Variants in CTCFL observed in about 807,000 individuals in gnomAD.
CTCFL encodes transcriptional repressor CTCFL.
A neutral mutation model predicts 67.4 loss-of-function variants in CTCFL; 36 were observed. The ratio of observed to expected loss-of-function variants is 0.53; its 90% CI spans 0.41 to 0.71. CTCFL has a LOEUF of 0.71. Ranked by LOEUF, CTCFL falls within the 30% of genes least tolerant of loss-of-function variation. The probability of loss-of-function intolerance (pLI) is 0.00; values close to 1 mark genes in which losing one functional copy is unlikely to be tolerated. For synonymous variants in CTCFL, 324 were observed against 302.3 expected (o/e 1.07, Z -0.75); for missense variants, 786 against 835.2 (o/e 0.94, Z 0.73).
chr20:57,518,604 A>G (rs778431920), intron 5 of CTCFL, 154 bp downstream of exon 5: 2 of 1,514,924 alleles, frequency 1.3e-6, no homozygotes, highest in Non-Finnish European at 1.8e-6. Context: ...TTTTAACTTC[A>G]TAAAAGAGAA....
rs190372863 is a variant in CTCFL, at chr20:57,499,122, G to A, written c.1841-421C>T. Among the ~76,000 whole-genome samples the A allele has an allele frequency of 1.0e-4, 15 of 148,936 alleles. No individual in the cohort carries two copies. In the East Asian group the frequency reaches 3.1e-3, roughly 31 times the overall value. On this transcript the variant is annotated intron_variant, in intron 10 of 10. Transcript: ENST00000243914. ...CAGTCATTCCCAGCTGGCATCAGCT[G>A]CTATAGGTGAATGTGGATCTTACAG...
intron 9 of CTCFL, chr20:57,507,031 A>C (rs2068243525): frequency 1.0e-6 from 1 of 985,708 alleles, no homozygotes; most frequent in Non-Finnish European, 1.2e-6. Flanking sequence ...ACTTTTATAA[A>C]GTTAGGCTGA....
intron 3 of CTCFL, among the ~76,000 whole-genome samples, chr20:57,521,124 A>C (rs540089280): frequency 6.6e-6 from 1 of 152,204 alleles, no homozygotes; most frequent in Non-Finnish European, 1.5e-5. Context: ...CAACACCTCA[A>C]TTTCACACTC....
intron 6 of CTCFL, chr20:57,514,975 A>G (rs1205233047): frequency 3.6e-6 from 2 of 551,518 alleles, no homozygotes; most frequent in Non-Finnish European, 6.4e-6. Flanking sequence ...TGGCTACGCA[A>G]GAGTTCAAGG....
At chr20:57,513,983 C>A in intron 7 of CTCFL, 4 of 967,116 alleles carry the variant, frequency 4.1e-6, no homozygotes, top group African/African-American at 1.7e-5. Flanking sequence ...CCTAGGCCTG[C>A]TGTTCCAAGA....
At position 57,504,187 on chromosome 20, in the gene CTCFL, A is replaced by G. The variant is rs1049200344; in HGVS notation, c.1675-586T>C. ...GAGACGGGGTTTCACCGTGTTAGCCAGGATGGTCTCGATCTCCTGATATTG... is the reference window on the plus strand; with the variant it reads ...GAGACGGGGTTTCACCGTGTTAGCCGGGATGGTCTCGATCTCCTGATATTG... On this transcript the variant is annotated intron_variant, in intron 9 of 10. Transcript: ENST00000243914. Among the ~76,000 whole-genome samples, 14 of 151,752 alleles carry G rather than the reference A, an allele frequency of 9.2e-5. 1 individual carries two copies. The highest frequency in any genetic ancestry group is 1.6e-4 in the Non-Finnish European group (11 of 67,910).
chr20:57,514,655 C>T lies in CTCFL; in HGVS notation c.1267G>A (p.Glu423Lys), dbSNP rs765675257. The change falls in exon 7 of 11, where the codon GAA becomes AAA. Residue 423 changes from glutamate (E) to lysine (K), a missense_variant. Transcript: ENST00000243914. The stretch of plus-strand genomic sequence containing the variant: ...GGACACTGGTATTTGGGGACATTTT[C>T]GCCGTGTTTCTGCAGAATATGTATT... ...MKIHILQKHG[E>K]NVPKYQCPHC... 18 of 1,614,196 alleles carry T rather than the reference C, an allele frequency of 1.1e-5. No homozygotes were observed. Among genetic ancestry groups the T allele is most frequent in the South Asian group, 4.4e-5 (4 of 91,076 alleles).
chr20:57,512,188 T>C (rs1242803461), intron 8 of CTCFL, among the ~76,000 whole-genome samples: 2 of 152,354 alleles, frequency 1.3e-5, no homozygotes, highest in South Asian at 4.1e-4. Flanking sequence ...CATGTAAAAC[T>C]GCCCTTTATT....
intron 5 of CTCFL, chr20:57,518,443 T>G: frequency 8.7e-7 from 1 of 1,153,356 alleles, no homozygotes; most frequent in South Asian, 1.9e-5. Context: ...CATTTTGATT[T>G]TGTGGCCCAG....
rs2067745575 is a variant in CTCFL, at chr20:57,497,734, TATAAAA to T, written c.*810_*815del. 1.0e-6 allele frequency: 1 copy of T among 984,626 alleles called. No homozygotes were observed. Among genetic ancestry groups the T allele is most frequent in the East Asian group, 1.1e-4 (1 of 8,828 alleles). 61.0% of individuals were successfully genotyped at this position (984,626 alleles called of 1,614,324 possible). On this transcript the variant is annotated 3_prime_UTR_variant, in exon 11 of 11. Coordinates refer to ENST00000243914, the MANE Select transcript of CTCFL (RefSeq NM_001386993.1). ...CTCACTCTGCCAATTATTTTACAAA[TATAAAA>T]AGAGTAGTTTTAGCAGAAAAAAGGG...
chr20:57,508,178 C>T (rs887591601), intron 9 of CTCFL, among the ~76,000 whole-genome samples: 1 of 152,130 alleles, frequency 6.6e-6, no homozygotes, highest in African/African-American at 2.4e-5. Flanking sequence ...CTCAAGTAAT[C>T]CTCCCACCTT....
chr20:57,508,095 A>C (rs1453584740), intron 9 of CTCFL, among the ~76,000 whole-genome samples: 1 of 152,092 alleles, frequency 6.6e-6, no homozygotes, highest in Non-Finnish European at 1.5e-5. Flanking sequence ...GGGGTGCACC[A>C]CCACAACCAG....
intron 3 of CTCFL, among the ~76,000 whole-genome samples, chr20:57,519,765 G>A (rs929338124): frequency 2.0e-5 from 3 of 152,126 alleles, no homozygotes; most frequent in Non-Finnish European, 4.4e-5. Flanking sequence ...TGCATTCTCT[G>A]TAGGGTGAAC....
chr20:57,520,918 A>T (rs1051170472), intron 3 of CTCFL, among the ~76,000 whole-genome samples: 1 of 152,210 alleles, frequency 6.6e-6, no homozygotes, highest in South Asian at 2.1e-4. Context: ...AGCCAGTATG[A>T]CTGGTGTCCT....
intron 7 of CTCFL, 109 bp downstream of exon 7, chr20:57,514,483 C>CG (rs1452800272): frequency 8.1e-6 from 11 of 1,355,414 alleles, no homozygotes; most frequent in Admixed American, 2.2e-5. Context: ...GCCAAGTTCC[C>CG]GAAGACCGGG....
chr20:57,523,106 T>G lies in CTCFL; in HGVS notation c.716A>C (p.Glu239Ala). 6.2e-7 allele frequency: 1 copy of G among 1,613,946 alleles called. No individual in the cohort carries two copies. Among genetic ancestry groups the G allele is most frequent in the South Asian group, 1.1e-5 (1 of 91,056 alleles). The change falls in exon 3 of 11, where the codon GAA becomes GCA. Residue 239 changes from glutamate to alanine, a missense_variant. This residue lies in a region of CTCFL where 333 missense variants were observed against 304.6 expected (regional missense o/e 1.09). Transcript: ENST00000243914. ...DQPTAGQADA[E>A]KAKSTKNQRK... ...TTGATTTTTTGTAGATTTGGCCTTTTCAGCATCTGCTTGACCAGCTGTAGG... is the reference window on the plus strand; with the variant it reads ...TTGATTTTTTGTAGATTTGGCCTTTGCAGCATCTGCTTGACCAGCTGTAGG...
intron 8 of CTCFL, among the ~76,000 whole-genome samples, chr20:57,511,655 G>C (rs374580600): frequency 6.7e-6 from 1 of 150,334 alleles, no homozygotes; most frequent in East Asian, 2.0e-4. Context: ...GCAGTGGCGC[G>C]ATCTCGGCTC....
At chr20:57,511,723 C>A (rs1382111943) in intron 8 of CTCFL, among the ~76,000 whole-genome samples, 1 of 152,010 alleles carries the variant, frequency 6.6e-6, no homozygotes, top group African/African-American at 2.4e-5. Flanking sequence ...TCCTGAGTAG[C>A]TGGGACTACA....
At chr20:57,523,524 T>C in intron 2 of CTCFL, 139 bp downstream of exon 2, 1 of 1,256,280 alleles carries the variant, frequency 8.0e-7, no homozygotes, top group South Asian at 1.5e-5. Flanking sequence ...CTAAGAACTC[T>C]CAAGATTTTC....
Sources: allele counts gnomAD v4.1 joint callset (sites outside exome capture counted in the v4.1 genomes callset), GRCh38; gene constraint gnomAD v4.1.1; regional missense constraint gnomAD v4.1.1; transcripts MANE v1.5; gene names NCBI Gene and HGNC (gene_info 2026-07-23, HGNC 2026-07-21).